The following GTPBP10 variants were observed in gnomAD, a reference collection of about 807,000 sequenced individuals.
GTPBP10 encodes GTP binding protein 10.
Under a neutral mutation model 44.8 loss-of-function variants are expected in GTPBP10, and 38 were observed. The observed-to-expected ratio is 0.85, with a 90% CI of 0.65 to 1.11. The LOEUF (loss-of-function observed/expected upper bound fraction) is 1.11, where lower values mean the gene tolerates loss of function less well. Ranked by LOEUF, GTPBP10 falls within the 50% of genes most tolerant of loss-of-function variation. The probability of loss-of-function intolerance (pLI) is 0.00; values close to 1 mark genes in which losing one functional copy is unlikely to be tolerated. For missense variants in GTPBP10, 462 were observed against 453.7 expected (o/e 1.02, Z -0.17); for synonymous variants, 152 against 150.6 (o/e 1.01, Z -0.07).
chr7:90,390,990 G>C lies in GTPBP10; in HGVS notation c.*5836G>C, dbSNP rs1796605489. The C allele has an allele frequency of 6.6e-6, 1 of 152,158 alleles. No individual in the cohort carries two copies. The highest frequency in any genetic ancestry group is 2.4e-5 in the African/African-American group (1 of 41,444). 9.4% of individuals were successfully genotyped at this position (152,158 alleles called of 1,614,324 possible). A position where few individuals can be genotyped will look rare whatever the true frequency, so the allele number is the denominator to read the frequency against. On this transcript the variant is annotated 3_prime_UTR_variant, in exon 10 of 10. Coordinates refer to ENST00000222511, the MANE Select transcript of GTPBP10 (RefSeq NM_033107.4). The stretch of plus-strand genomic sequence containing the variant: ...ATGACTTTGGATGGATTTGAAACAT[G>C]ATTAAATGACAGAGTAAATAAAAGC...
intron 4 of GTPBP10, among the ~76,000 whole-genome samples, chr7:90,362,728 TG>T (rs1248119173): frequency 6.6e-6 from 1 of 152,230 alleles, no homozygotes; most frequent in Non-Finnish European, 1.5e-5. Flanking sequence ...ATGTTGACAG[TG>T]GGGTGTTAAA....
intron 9 of GTPBP10, among the ~76,000 whole-genome samples, chr7:90,384,083 A>G (rs1193677363): frequency 3.3e-5 from 5 of 152,216 alleles, no homozygotes; most frequent in Admixed American, 2.0e-4. Context: ...CAGAGGAAAT[A>G]CCGAAAGTGA....
At position 90,352,812 on chromosome 7, in the gene GTPBP10, TAAG is replaced by T; in HGVS notation, c.34-3_34-1del. On this transcript the variant is annotated splice_acceptor_variant and splice_polypyrimidine_tract_variant and intron_variant, in intron 1 of 9. Coordinates refer to ENST00000222511, the MANE Select transcript of GTPBP10 (RefSeq NM_033107.4). LOFTEE classifies it high-confidence loss of function. ...ACAAATATTCTTTCTCTTTTTTTTT[TAAG>T]TATGGAAATTTCATCGATAAGCTAA... 2 of 1,580,010 alleles carry T rather than the reference TAAG, an allele frequency of 1.3e-6. No homozygotes were observed. The highest frequency in any genetic ancestry group is 1.9e-5 in the Admixed American group (1 of 52,390).
At chr7:90,357,956 A>G (rs963444240) in intron 4 of GTPBP10, among the ~76,000 whole-genome samples, 1 of 151,862 alleles carries the variant, frequency 6.6e-6, no homozygotes, top group Non-Finnish European at 1.5e-5. Flanking sequence ...CAGGCAAGAG[A>G]AAAAAAGGGC....
intron 4 of GTPBP10, among the ~76,000 whole-genome samples, chr7:90,361,718 C>T (rs928814409): frequency 7.9e-5 from 12 of 152,132 alleles, no homozygotes; most frequent in African/African-American, 2.9e-4. Context: ...CCAGCTCCTC[C>T]TTGTACCTCT....
In GTPBP10 at chr7:90,378,381, T is replaced by A. The variant is rs577816790; in HGVS notation, c.777+170T>A. The A allele has an allele frequency of 4.1e-5, 21 of 506,600 alleles. No individual in the cohort carries two copies. In the East Asian group the frequency reaches 3.0e-3, roughly 73 times the overall value. 31.4% of individuals were successfully genotyped at this position (506,600 alleles called of 1,614,324 possible). On this transcript the variant is annotated intron_variant, in intron 8 of 9. Transcript: ENST00000222511. ...CATTTCCTCTACATTCATTTGCTCC[T>A]CAAACTACTGCAGTGGATAAAACAC...
At position 90,352,870 on chromosome 7, in the gene GTPBP10, A is replaced by G. The variant is rs1052580489; in HGVS notation, c.88A>G (p.Met30Val). 3 of 1,613,764 alleles carry G rather than the reference A, an allele frequency of 1.9e-6. No homozygotes were observed. The highest frequency in any genetic ancestry group is 3.3e-5 in the Admixed American group (2 of 59,966). Reference sequence around the variant, plus strand: ...CTTCACCAGGGGAGGATCCGGTGGAATGGGTTATCCTCGTTTAGGTGGAGA... The same window carrying G: ...CTTCACCAGGGGAGGATCCGGTGGAGTGGGTTATCCTCGTTTAGGTGGAGA... The part of the protein sequence containing the change: ...RLFTRGGSGG[M>V]GYPRLGGEGG... The change falls in exon 2 of 10, where the codon ATG becomes GTG. Residue 30 changes from methionine (M) to valine (V), a missense_variant. Transcript: ENST00000222511.
intron 1 of GTPBP10, among the ~76,000 whole-genome samples, chr7:90,350,542 T>C (rs1444247168): frequency 6.6e-6 from 1 of 152,234 alleles, no homozygotes. Context: ...AATTAATTCT[T>C]TAGCTTTAGA....
At chr7:90,383,925 T>G (rs17867633) in intron 9 of GTPBP10, 37,962 of 152,070 alleles carry the variant, frequency 0.25, 5,093 homozygotes, top group African/African-American at 0.35. Context: ...CCCTGTGTAA[T>G]CTACATGTTG....
At position 90,389,739 on chromosome 7, in the gene GTPBP10, A is replaced by C. The variant is rs1254406635; in HGVS notation, c.*4585A>C. The stretch of plus-strand genomic sequence containing the variant: ...GCATAATTTTAATTAAAAGTTAAGC[A>C]GTGAAAAATAAACATCTTTTTTTCT... On this transcript the variant is annotated 3_prime_UTR_variant, in exon 10 of 10. Coordinates refer to ENST00000222511, the MANE Select transcript of GTPBP10 (RefSeq NM_033107.4). 6.6e-6 allele frequency: 1 copy of C among 152,230 alleles called. No individual in the cohort carries two copies. The highest frequency in any genetic ancestry group is 1.5e-5 in the Non-Finnish European group (1 of 68,046). 9.4% of individuals were successfully genotyped at this position (152,230 alleles called of 1,614,324 possible).
At chr7:90,384,850 G>A (rs114771596) in intron 9 of GTPBP10, 42 bp from the exon 10 acceptor site, 11 of 1,542,438 alleles carry the variant, frequency 7.1e-6, no homozygotes, top group Middle Eastern at 1.7e-4. Context: ...ACTAACTTTC[G>A]AAAACAATGG....
At position 90,385,378 on chromosome 7, in the gene GTPBP10, G is replaced by T; in HGVS notation, c.*224G>T. The stretch of plus-strand genomic sequence containing the variant: ...GGCAGTGGAGGATTGAGGAGATATT[G>T]GTCAAAATTTACAAAATTTCAGTTA... On this transcript the variant is annotated 3_prime_UTR_variant, in exon 10 of 10. Coordinates refer to ENST00000222511, the MANE Select transcript of GTPBP10 (RefSeq NM_033107.4). 5.8e-6 allele frequency: 2 copies of T among 344,604 alleles called. No individual in the cohort carries two copies. The highest frequency in any genetic ancestry group is 1.0e-5 in the Non-Finnish European group (2 of 192,782). 21.3% of individuals were successfully genotyped at this position (344,604 alleles called of 1,614,324 possible).
chr7:90,354,455 T>A lies in GTPBP10; in HGVS notation c.228-3T>A. The A allele has an allele frequency of 6.6e-7, 1 of 1,516,502 alleles. No individual in the cohort carries two copies. The highest frequency in any genetic ancestry group is 9.0e-7 in the Non-Finnish European group (1 of 1,113,132). The allele number at this position is 1,516,502 out of a possible 1,614,324, so 93.9% of individuals were successfully genotyped here. On this transcript the variant is annotated splice_polypyrimidine_tract_variant and splice_region_variant and intron_variant, in intron 2 of 9. Transcript: ENST00000222511. ...ATACATATATATACTTTTTTTTTGG[T>A]AGAATTAGTGCACTGAAAGGCTCCA... is the stretch of plus-strand genomic sequence containing the variant.
chr7:90,377,661 A>G (rs760881267), intron 7 of GTPBP10, 47 bp downstream of exon 7: 2 of 1,265,874 alleles, frequency 1.6e-6, no homozygotes, highest in East Asian at 2.4e-5. Context: ...ATTGAAAACC[A>G]GTGAATTTAG....
chr7:90,346,869 C>G (rs1795686465), intron 1 of GTPBP10, 95 bp downstream of exon 1: 1 of 1,373,712 alleles, frequency 7.3e-7, no homozygotes, highest in Non-Finnish European at 1.0e-6. Context: ...TCGTGGCGGC[C>G]TTTTCCTTGC....
chr7:90,371,558 T>C (rs1489384912), intron 4 of GTPBP10, among the ~76,000 whole-genome samples: 1 of 152,188 alleles, frequency 6.6e-6, no homozygotes, highest in Admixed American at 6.5e-5. Flanking sequence ...ACCCAGTTTC[T>C]TTAAAAATAA....
Position 90,385,254 on chromosome 7 carries a change from C to G in GTPBP10, c.*100C>G. 1.2e-6 allele frequency: 1 copy of G among 819,658 alleles called. No homozygotes were observed. The highest frequency in any genetic ancestry group is 1.8e-6 in the Non-Finnish European group (1 of 543,864). 50.8% of individuals were successfully genotyped at this position (819,658 alleles called of 1,614,324 possible). ...TGGAGGACATGTTAAGTAAAATAAGCCAGGCTTAGAAAGACAAATGCTGCA... is the reference window on the plus strand; with the variant it reads ...TGGAGGACATGTTAAGTAAAATAAGGCAGGCTTAGAAAGACAAATGCTGCA... On this transcript the variant is annotated 3_prime_UTR_variant, in exon 10 of 10. Coordinates refer to ENST00000222511, the MANE Select transcript of GTPBP10 (RefSeq NM_033107.4).
intron 1 of GTPBP10, chr7:90,347,390 C>T (rs1795698265): frequency 6.5e-6 from 1 of 153,258 alleles, no homozygotes; most frequent in East Asian, 1.9e-4. Context: ...AGTAAGGCTC[C>T]TAAACCCCTG....
chr7:90,348,124 T>C (rs538256448), intron 1 of GTPBP10, among the ~76,000 whole-genome samples: 1 of 152,078 alleles, frequency 6.6e-6, no homozygotes, highest in African/African-American at 2.4e-5. Flanking sequence ...AGTGGGAGAA[T>C]TGCTTGAGCC....
Sources: allele counts gnomAD v4.1 joint callset (sites outside exome capture counted in the v4.1 genomes callset), GRCh38; gene constraint gnomAD v4.1.1; transcripts MANE v1.5; gene names NCBI Gene and HGNC (gene_info 2026-07-23, HGNC 2026-07-21).